Variants in TRANK1 observed in about 807,000 individuals in gnomAD.
TRANK1 encodes TPR and ankyrin repeat-containing protein 1.
In TRANK1, 198 loss-of-function variants were observed where a neutral mutation model predicts 266.0. The ratio of observed to expected loss-of-function variants is 0.74; its 90% CI spans 0.66 to 0.84. The LOEUF is 0.84. Among genes scored for constraint, TRANK1 ranks in the 40% least tolerant of loss-of-function variants. The probability of loss-of-function intolerance (pLI) is 0.00; values close to 1 mark genes in which losing one functional copy is unlikely to be tolerated. For synonymous variants in TRANK1, 1,396 were observed against 1,384.1 expected, an observed-to-expected ratio of 1.01 and a Z score of -0.19; for missense variants, 3,326 against 3,634.6, an observed-to-expected ratio of 0.92 and a Z score of 2.18.
intron 1 of TRANK1, among the ~76,000 whole-genome samples, chr3:36,918,606 G>GGAAGGAAAGAAAGAAAGAAA (rs1553630565): frequency 4.5e-5 from 1 of 22,138 alleles, no homozygotes; most frequent in Non-Finnish European, 1.0e-4. Context: ...AAGGAAGGAA[G>GGAAGGAAAGAAAGAAAGAAA]GAAAGAAAGA....
chr3:36,897,900 T>C (rs369276893), intron 4 of TRANK1, among the ~76,000 whole-genome samples: 2 of 152,214 alleles, frequency 1.3e-5, no homozygotes, highest in African/African-American at 2.4e-5. Flanking sequence ...TGGTTTTGCC[T>C]GATCTGGGCC....
At chr3:36,859,489 A>G (rs989522888) in intron 11 of TRANK1, among the ~76,000 whole-genome samples, 2 of 151,928 alleles carry the variant, frequency 1.3e-5, no homozygotes, top group African/African-American at 4.8e-5. Flanking sequence ...TCATTGTTCA[A>G]CAGCCACTTA....
intron 13 of TRANK1, 68 bp downstream of exon 13, chr3:36,855,105 A>C: frequency 7.1e-7 from 1 of 1,401,318 alleles, no homozygotes; most frequent in South Asian, 1.4e-5. Context: ...GCTAGTCTGC[A>C]GCTTCAAAGG....
intron 9 of TRANK1, among the ~76,000 whole-genome samples, chr3:36,865,328 C>T (rs369964786): frequency 1.7e-3 from 266 of 152,192 alleles, no homozygotes; most frequent in African/African-American, 6.2e-3. Context: ...ACCCAGCATG[C>T]TTCTTGTTTT....
chr3:36,871,302 C>T (rs2079305150), intron 9 of TRANK1, among the ~76,000 whole-genome samples: 2 of 152,106 alleles, frequency 1.3e-5, no homozygotes, highest in Admixed American at 1.3e-4. Flanking sequence ...GCAGGAGAAA[C>T]GCTTGAACCG....
At chr3:36,942,076 C>T (rs1670529141) in intron 1 of TRANK1, among the ~76,000 whole-genome samples, 2 of 152,204 alleles carry the variant, frequency 1.3e-5, no homozygotes, top group African/African-American at 2.4e-5. Flanking sequence ...AGGAGGACTG[C>T]AGGCTCTACT....
At chr3:36,915,024 T>A (rs1323131204) in intron 1 of TRANK1, among the ~76,000 whole-genome samples, 3 of 152,136 alleles carry the variant, frequency 2.0e-5, no homozygotes, top group African/African-American at 7.2e-5. Context: ...CGATCTCCAC[T>A]CACTGCAAGC....
Position 36,838,400 on chromosome 3 carries a change from G to A in TRANK1, c.5489C>T (p.Ser1830Phe). The A allele has an allele frequency of 6.2e-7, 1 of 1,614,040 alleles. No homozygotes were observed. Among genetic ancestry groups the A allele is most frequent in the Non-Finnish European group, 8.5e-7 (1 of 1,179,890 alleles). ...TCCCAGCCTCTCGCACAGCTGGGCA[G>A]AGAGCTGGAACTCCTTGGCATAGCT... Reference protein sequence around the residue: ...CLSYAKEFQLSAQLCERLGKI... With the variant: ...CLSYAKEFQLFAQLCERLGKI... The change falls in exon 20 of 24, where the codon TCT (serine) becomes TTT (phenylalanine). Residue 1830 changes from serine (S) to phenylalanine (F), a missense_variant. Coordinates refer to ENST00000645898, the MANE Select transcript of TRANK1 (RefSeq NM_001329998.2).
intron 14 of TRANK1, 81 bp from the exon 15 acceptor site, chr3:36,851,937 T>A: frequency 6.8e-7 from 1 of 1,479,742 alleles, no homozygotes. Flanking sequence ...AGATAGGTAA[T>A]GTTTTTAAAG....
chr3:36,857,838 G>T lies in TRANK1; in HGVS notation c.1884C>A (p.Gly628=), dbSNP rs1216768957. 6.2e-7 allele frequency: 1 copy of T among 1,610,262 alleles called. No individual in the cohort carries two copies. The highest frequency in any genetic ancestry group is 1.1e-5 in the South Asian group (1 of 90,980). Residue 628 remains glycine, a synonymous_variant, in exon 13 of 24, where the codon GGC becomes GGA. Coordinates refer to ENST00000645898, the MANE Select transcript of TRANK1 (RefSeq NM_001329998.2). The surrounding 1 kb of genome is among the most constrained non-coding windows in gnomAD (Gnocchi z 4.3). The part of the protein sequence containing the change: ...DINFNLKNKE[G]KDARHRIKKN... ...TCTTAATCCGGTGCCGTGCATCTTTGCCCTCTTTGTTCTTCAGATTGAAGT... is the reference window on the plus strand; with the variant it reads ...TCTTAATCCGGTGCCGTGCATCTTTTCCCTCTTTGTTCTTCAGATTGAAGT...
intron 8 of TRANK1, among the ~76,000 whole-genome samples, chr3:36,886,217 C>T (rs1690068081): frequency 6.7e-6 from 1 of 150,334 alleles, no homozygotes; most frequent in African/African-American, 2.5e-5. Context: ...TCACTTCAAC[C>T]TCCGCCTCCC....
intron 1 of TRANK1, chr3:36,929,291 A>G (rs1575329057): frequency 6.6e-6 from 1 of 152,064 alleles, no homozygotes; most frequent in East Asian, 1.9e-4. Flanking sequence ...ACAGGCACGC[A>G]CTGCCACACC....
intron 1 of TRANK1, among the ~76,000 whole-genome samples, chr3:36,913,401 G>GCTTGCTTGCTTGCTCACTTACTTT (rs2080080870): frequency 1.3e-5 from 2 of 151,452 alleles, no homozygotes; most frequent in South Asian, 4.2e-4. Context: ...TTGCTTGCTT[G>GCTTGCTTGCTTGCTCACTTACTTT]CTTGCTTGCT....
chr3:36,829,836 A>C (rs189043274), intron 22 of TRANK1, among the ~76,000 whole-genome samples, 174 bp from the exon 23 acceptor site: 1 of 152,286 alleles, frequency 6.6e-6, no homozygotes, highest in East Asian at 1.9e-4. Flanking sequence ...TACAAGCATA[A>C]ACTACAACTA....
intron 2 of TRANK1, among the ~76,000 whole-genome samples, chr3:36,904,689 G>C: frequency 6.6e-6 from 1 of 152,018 alleles, no homozygotes; most frequent in East Asian, 1.9e-4. Flanking sequence ...TTCTTTCATG[G>C]CCCAACATTC....
intron 20 of TRANK1, among the ~76,000 whole-genome samples, chr3:36,835,346 C>A (rs1290616462): frequency 7.6e-5 from 10 of 131,392 alleles, no homozygotes; most frequent in South Asian, 2.4e-4. Context: ...AAAAAAAAAA[C>A]CCTGTAACAT....
In TRANK1 at chr3:36,831,511, T is replaced by A; in HGVS notation, c.8072A>T (p.Gln2691Leu). ...YFAEPECEFG[Q>L]DEMDELALED... is the part of the protein sequence containing the mutation. ...TAATGCCAGTTCATCCATCTCATCCTGGCCAAACTCACACTCAGGTTCAGC... is the reference window on the plus strand; with the variant it reads ...TAATGCCAGTTCATCCATCTCATCCAGGCCAAACTCACACTCAGGTTCAGC... The change falls in exon 22 of 24, where the codon CAG (glutamine) becomes CTG (leucine). Residue 2691 changes from glutamine to leucine, a missense_variant. Coordinates refer to ENST00000645898, the MANE Select transcript of TRANK1 (RefSeq NM_001329998.2). This position sits in a 1 kb window ranked among gnomAD's most constrained non-coding sequence, Gnocchi z 5.0. The A allele has an allele frequency of 6.2e-7, 1 of 1,613,390 alleles. No individual in the cohort carries two copies. The highest frequency in any genetic ancestry group is 8.5e-7 in the Non-Finnish European group (1 of 1,179,642).
intron 1 of TRANK1, among the ~76,000 whole-genome samples, chr3:36,932,041 T>A (rs947964264): frequency 6.6e-6 from 1 of 152,218 alleles, no homozygotes; most frequent in Non-Finnish European, 1.5e-5. Flanking sequence ...GATTCTTGAA[T>A]TACATAAATT....
intron 3 of TRANK1, 46 bp downstream of exon 3, chr3:36,903,103 A>C: frequency 6.6e-7 from 1 of 1,521,016 alleles, no homozygotes; most frequent in Non-Finnish European, 8.8e-7. Context: ...CACCACCCCA[A>C]TACTCTCAAG....
Sources: gnomAD v4.1 joint callset for allele counts (sites outside exome capture counted in the v4.1 genomes callset) on GRCh38, gnomAD v4.1.1 for gene constraint, Gnocchi (gnomAD v3.1) non-coding constraint, MANE v1.5 for transcripts, NCBI Gene and HGNC (gene_info 2026-07-23, HGNC 2026-07-21) for gene names.